Variants in CACNB4 observed in about 807,000 individuals in gnomAD.
CACNB4 encodes voltage-dependent L-type calcium channel subunit beta-4.
Under a neutral mutation model 71.2 loss-of-function variants are expected in CACNB4, and 32 were observed. That is an observed-to-expected ratio of 0.45 (90% CI 0.34 to 0.60). The LOEUF (loss-of-function observed/expected upper bound fraction) is 0.60. CACNB4 is among the 20% of genes least tolerant of loss of function. The pLI is 0.01. For synonymous variants in CACNB4, 231 were observed against 236.9 expected (o/e 0.97, Z 0.23); for missense variants, 464 against 647.9 (o/e 0.72, Z 3.08).
intron 2 of CACNB4, among the ~76,000 whole-genome samples, chr2:151,886,361 C>G (rs1032111239): frequency 1.3e-5 from 2 of 152,200 alleles, no homozygotes; most frequent in Non-Finnish European, 2.9e-5. Context: ...GGTAGTGAGT[C>G]AAGCAGCTGA....
In CACNB4 at chr2:152,098,477, C is replaced by T; in HGVS notation, c.64-64G>A. 1 of 1,481,558 alleles carries T rather than the reference C, an allele frequency of 6.7e-7. No individual in the cohort carries two copies. Among genetic ancestry groups the T allele is most frequent in the Non-Finnish European group, 9.4e-7 (1 of 1,060,900 alleles). The allele number at this position is 1,481,558 out of a possible 1,614,324, so 91.8% of individuals were successfully genotyped here. On this transcript the variant is annotated intron_variant, in intron 1 of 13. Transcript: ENST00000539935. This position sits in a 1 kb window ranked among gnomAD's most constrained non-coding sequence, Gnocchi z 5.3. ...GGACCGCAGCGCAGAGCGGGGCGAC[C>T]ACCCCCGGCTGGAGTCCGCCTCCGG...
intron 6 of CACNB4, chr2:151,871,324 G>T: frequency 6.5e-6 from 1 of 154,992 alleles, no homozygotes; most frequent in Non-Finnish European, 1.4e-5. Flanking sequence ...CAGTCCCTTG[G>T]GCATTTTTGC....
chr2:151,934,498 G>T (rs761648133), intron 2 of CACNB4, among the ~76,000 whole-genome samples: 1 of 152,204 alleles, frequency 6.6e-6, no homozygotes, highest in Non-Finnish European at 1.5e-5. Context: ...AAGTAACTCA[G>T]CTAAAGTCCA....
intron 2 of CACNB4, among the ~76,000 whole-genome samples, chr2:152,089,751 G>C (rs1284655124): frequency 6.6e-6 from 1 of 151,716 alleles, no homozygotes; most frequent in Non-Finnish European, 1.5e-5. Flanking sequence ...GGGCAATATG[G>C]TGAGACCCCA....
In CACNB4 at chr2:152,074,711, C is replaced by CCACCA. The variant is rs1560181666; in HGVS notation, c.147+23618_147+23619insTGGTG. Among the ~76,000 whole-genome samples the CCACCA allele has an allele frequency of 2.2e-4, 16 of 73,452 alleles. 2 individuals carry two copies. Among genetic ancestry groups the CCACCA allele is most frequent in the Non-Finnish European group, 4.3e-4 (14 of 32,438 alleles). 48.2% of individuals were successfully genotyped at this position (73,452 alleles called of 152,430 possible). ...CATCACCCCCTCACCATTACCACCT[C>CCACCA]TATCATCACCATCACCCCCTCACCA... On this transcript the variant is annotated intron_variant, in intron 2 of 13. Transcript: ENST00000539935.
At chr2:152,051,748 A>G (rs866712489) in intron 2 of CACNB4, among the ~76,000 whole-genome samples, 4 of 152,202 alleles carry the variant, frequency 2.6e-5, no homozygotes, top group Admixed American at 6.5e-5. Context: ...CATCTATGGT[A>G]ATTTGTCATG....
intron 2 of CACNB4, among the ~76,000 whole-genome samples, chr2:152,083,262 A>ATG (rs893892667): frequency 6.6e-6 from 1 of 151,500 alleles, no homozygotes; most frequent in Non-Finnish European, 1.5e-5. Context: ...ACGTGTACAC[A>ATG]TGTGTGTGTG....
At chr2:152,051,318 A>G (rs1225302149) in intron 2 of CACNB4, among the ~76,000 whole-genome samples, 4 of 152,182 alleles carry the variant, frequency 2.6e-5, no homozygotes, top group African/African-American at 9.7e-5. Flanking sequence ...TAAAGTGCAT[A>G]ATCAACAGTT....
intron 2 of CACNB4, among the ~76,000 whole-genome samples, chr2:151,904,839 C>T (rs963590572): frequency 6.6e-5 from 10 of 152,136 alleles, no homozygotes; most frequent in African/African-American, 2.4e-4. Flanking sequence ...CCAGCTGAGA[C>T]ATCTTTTAAG....
intron 2 of CACNB4, chr2:151,971,863 C>A: frequency 2.1e-6 from 1 of 472,082 alleles, no homozygotes; most frequent in South Asian, 2.1e-5. Context: ...AACTCCACTC[C>A]TCATGTTTCC....
chr2:151,917,813 C>A (rs777656766), intron 2 of CACNB4, among the ~76,000 whole-genome samples: 5 of 124,880 alleles, frequency 4.0e-5, no homozygotes, highest in Non-Finnish European at 7.9e-5. Flanking sequence ...CCAGCCTAGG[C>A]GACAAAGTGA....
At chr2:151,959,221 C>T (rs2099869043) in intron 2 of CACNB4, among the ~76,000 whole-genome samples, 1 of 152,162 alleles carries the variant, frequency 6.6e-6, no homozygotes, top group Non-Finnish European at 1.5e-5. Context: ...TCATTTTCTG[C>T]CGGAAGTCAA....
At chr2:152,027,079 G>T (rs72998962) in intron 2 of CACNB4, among the ~76,000 whole-genome samples, 11,282 of 152,076 alleles carry the variant, frequency 0.074, 1,434 homozygotes, top group African/African-American at 0.26. Context: ...GCTAATTTTC[G>T]TATTTTTAGT....
chr2:152,011,431 A>G (rs1192484904), intron 2 of CACNB4, among the ~76,000 whole-genome samples: 1 of 152,206 alleles, frequency 6.6e-6, no homozygotes, highest in Non-Finnish European at 1.5e-5. Context: ...TGTTGAGGTT[A>G]TTGCTTGAAG....
At chr2:152,015,850 A>G (rs1683313979) in intron 2 of CACNB4, among the ~76,000 whole-genome samples, 1 of 152,246 alleles carries the variant, frequency 6.6e-6, no homozygotes, top group Non-Finnish European at 1.5e-5. Flanking sequence ...CATAGCCTTT[A>G]TACTTGGAAC....
At chr2:152,076,176 T>C (rs1218597987) in intron 2 of CACNB4, among the ~76,000 whole-genome samples, 3 of 126,804 alleles carry the variant, frequency 2.4e-5, no homozygotes, top group African/African-American at 8.7e-5. Flanking sequence ...AGAGTCTAGC[T>C]CTGTCACCCA....
At chr2:152,003,673 T>C (rs1682555693) in intron 2 of CACNB4, among the ~76,000 whole-genome samples, 1 of 152,160 alleles carries the variant, frequency 6.6e-6, no homozygotes, top group African/African-American at 2.4e-5. Context: ...CTCTTCGTTT[T>C]CCAGCCTCAA....
At chr2:152,072,822 T>G (rs1431236693) in intron 2 of CACNB4, among the ~76,000 whole-genome samples, 1 of 151,344 alleles carries the variant, frequency 6.6e-6, no homozygotes, top group Non-Finnish European at 1.5e-5. Flanking sequence ...TTTTTTTTTT[T>G]GTATTTTTAG....
intron 2 of CACNB4, among the ~76,000 whole-genome samples, chr2:151,892,367 TA>T (rs201052921): frequency 2.1e-3 from 290 of 139,490 alleles, no homozygotes; most frequent in Admixed American, 1.9e-3. Context: ...ACTTGTGTCT[TA>T]AAAAAAAAAA....
Sources: allele counts gnomAD v4.1 joint callset (sites outside exome capture counted in the v4.1 genomes callset), GRCh38; gene constraint gnomAD v4.1.1; non-coding constraint Gnocchi (gnomAD v3.1); transcripts MANE v1.5; gene names NCBI Gene and HGNC (gene_info 2026-07-23, HGNC 2026-07-21).